Variants in TTLL13 observed in about 807,000 individuals in gnomAD.
TTLL13 encodes the protein tubulin tyrosine ligase like 13.
the TTLL13 span, among the ~76,000 whole-genome samples, chr15:90,254,785 G>A: frequency 5.9e-5 from 9 of 152,112 alleles, no homozygotes; most frequent in Non-Finnish European, 1.0e-4. Flanking sequence ...GGCAGAGGCC[G>A]CAGTGAGCTG....
chr15:90,265,410 GC>G, the TTLL13 span: 1 of 1,271,106 alleles, frequency 7.9e-7, no homozygotes, highest in Non-Finnish European at 9.9e-7. Flanking sequence ...GGCCTGGGCA[GC>G]CGCTGGGGCG....
the TTLL13 span, chr15:90,257,792 C>A: frequency 6.8e-7 from 1 of 1,477,258 alleles, no homozygotes; most frequent in Non-Finnish European, 9.4e-7. Flanking sequence ...CCCATGAAAC[C>A]AAGCTGGCTC....
chr15:90,253,202 T>G, the TTLL13 span: 2 of 1,514,734 alleles, frequency 1.3e-6, no homozygotes, highest in Non-Finnish European at 1.8e-6. Context: ...TTCCAGGGCT[T>G]GTTGCTGGTG....
At chr15:90,252,904 G>A in the TTLL13 span, among the ~76,000 whole-genome samples, 1 of 152,198 alleles carries the variant, frequency 6.6e-6, no homozygotes, top group Non-Finnish European at 1.5e-5. Context: ...TGGGGACGCT[G>A]AGGCACGAGA....
chr15:90,253,449 A>G, the TTLL13 span: 1 of 947,938 alleles, frequency 1.1e-6, no homozygotes, highest in Non-Finnish European at 1.6e-6. Context: ...GGCACCCAAG[A>G]CTGCTACTCT....
chr15:90,256,361 C>G, the TTLL13 span: 1 of 1,601,614 alleles, frequency 6.2e-7, no homozygotes, highest in Non-Finnish European at 8.5e-7. Context: ...CTCATCTCTC[C>G]CAAAAGCCAG....
chr15:90,250,075 A>G, the TTLL13 span, among the ~76,000 whole-genome samples: 1 of 151,648 alleles, frequency 6.6e-6, no homozygotes, highest in Non-Finnish European at 1.5e-5. Context: ...CTCCTCCCTC[A>G]GCCTCCCGAG....
chr15:90,255,892 G>A, the TTLL13 span: 2 of 1,614,186 alleles, frequency 1.2e-6, no homozygotes, highest in South Asian at 1.1e-5. Flanking sequence ...CAGAGTGAGT[G>A]GGTCTGGCTT....
the TTLL13 span, chr15:90,250,508 T>TTTC: frequency 7.8e-7 from 1 of 1,277,494 alleles, no homozygotes; most frequent in Non-Finnish European, 1.1e-6. Context: ...GGGCAGCAAC[T>TTTC]TTCCCTTATA....
chr15:90,253,199 G>A, the TTLL13 span: 2 of 1,499,844 alleles, frequency 1.3e-6, no homozygotes, highest in Non-Finnish European at 1.9e-6. Context: ...CAGTTCCAGG[G>A]CTTGTTGCTG....
At chr15:90,251,280 A>ATTTTTTTTTTTTTTTTTTTTT in the TTLL13 span, among the ~76,000 whole-genome samples, 2 of 109,510 alleles carry the variant, frequency 1.8e-5, no homozygotes, top group African/African-American at 3.6e-5. Context: ...CGCATGGCAA[A>ATTTTTTTTTTTTTTTTTTTTT]TTTTTTTTTT....
At chr15:90,262,680 T>C in the TTLL13 span, 1 of 1,467,576 alleles carries the variant, frequency 6.8e-7, no homozygotes, top group Non-Finnish European at 9.0e-7. Flanking sequence ...GTGCCAGGGG[T>C]TTTGTAGCTC....
the TTLL13 span, chr15:90,265,346 C>A: frequency 3.8e-5 from 46 of 1,222,526 alleles, no homozygotes; most frequent in Non-Finnish European, 4.3e-5. Context: ...GGGCTGTCGC[C>A]GTCAGAAGAC....
At chr15:90,265,370 C>A in the TTLL13 span, 1 of 1,234,798 alleles carries the variant, frequency 8.1e-7, no homozygotes, top group Non-Finnish European at 1.0e-6. Flanking sequence ...CGAGCGGAAG[C>A]CCTGCCCACC....
At chr15:90,255,328 T>C in the TTLL13 span, among the ~76,000 whole-genome samples, 29,575 of 152,198 alleles carry the variant, frequency 0.19, 3,732 homozygotes, top group African/African-American at 0.35. Context: ...TGCCATGGCA[T>C]CACATTCCTT....
At chr15:90,263,099 T>G in the TTLL13 span, 9 of 1,535,980 alleles carry the variant, frequency 5.9e-6, no homozygotes, top group Non-Finnish European at 7.8e-6. Context: ...CTCACCCGTC[T>G]GCAGCACCCT....
the TTLL13 span, chr15:90,257,222 G>A: frequency 6.2e-6 from 10 of 1,613,680 alleles, no homozygotes; most frequent in Non-Finnish European, 8.5e-6. Flanking sequence ...CTTCACATAT[G>A]AGGAGGGCCT....
the TTLL13 span, chr15:90,251,505 C>G: frequency 6.3e-5 from 98 of 1,546,024 alleles, no homozygotes; most frequent in Non-Finnish European, 7.7e-5. Flanking sequence ...ATCTGAGTAC[C>G]TGTCCTTCCC....
At chr15:90,251,634 A>G in the TTLL13 span, 5 of 1,603,580 alleles carry the variant, frequency 3.1e-6, no homozygotes, top group East Asian at 2.2e-5. Context: ...GGTGCATAAC[A>G]TGGTGCCTAC....
Sources: allele counts gnomAD v4.1 joint callset (sites outside exome capture counted in the v4.1 genomes callset), GRCh38; gene constraint gnomAD v4.1.1; transcripts MANE v1.5; gene names NCBI Gene and HGNC (gene_info 2026-07-23, HGNC 2026-07-21).